SUSD5: variants seen among roughly 807,000 people sequenced by gnomAD.
SUSD5 encodes sushi domain-containing protein 5.
In SUSD5, 33 loss-of-function variants were observed where a neutral mutation model predicts 29.5. The observed-to-expected ratio is 1.12, with a 90% CI of 0.85 to 1.49. The LOEUF is 1.49. Among genes scored for constraint, SUSD5 ranks in the 40% most tolerant of loss-of-function variants. SUSD5 has a pLI of 0.00. For missense variants in SUSD5, 776 were observed against 800.6 expected, an observed-to-expected ratio of 0.97 and a Z score of 0.37; for synonymous variants, 308 against 325.3, an observed-to-expected ratio of 0.95 and a Z score of 0.57.
chr3:33,173,158 A>C (rs1262764846), intron 4 of SUSD5, among the ~76,000 whole-genome samples: 2 of 152,252 alleles, frequency 1.3e-5, no homozygotes, highest in Admixed American at 1.3e-4. Context: ...GCTTGACCTC[A>C]CTATTATCAG....
intron 3 of SUSD5, among the ~76,000 whole-genome samples, chr3:33,188,930 A>G (rs1464823286): frequency 6.6e-6 from 1 of 152,198 alleles, no homozygotes; most frequent in Non-Finnish European, 1.5e-5. Context: ...AAAATCTGTA[A>G]TTTATTCAGC....
Position 33,153,360 on chromosome 3 carries a change from G to A in SUSD5, c.1272C>T (p.Thr424=). 3 of 1,613,838 alleles carry A rather than the reference G, an allele frequency of 1.9e-6. No homozygotes were observed. The highest frequency in any genetic ancestry group is 2.5e-6 in the Non-Finnish European group (3 of 1,179,832). Reference sequence around the variant, plus strand: ...GGGTCATGCCCTCGCTTGGTGTGAGGGTGCTACTCTTGGGCTTCTTAACTT... The same window carrying A: ...GGGTCATGCCCTCGCTTGGTGTGAGAGTGCTACTCTTGGGCTTCTTAACTT... ...LVEVKKPKSS[T]LTPSEGMTHS... Residue 424 remains threonine (T), a synonymous_variant, in exon 5 of 5, where the codon ACC becomes ACT. Coordinates refer to ENST00000309558, the MANE Select transcript of SUSD5 (RefSeq NM_015551.2).
At chr3:33,212,843 T>C (rs2032346411) in intron 2 of SUSD5, among the ~76,000 whole-genome samples, 1 of 152,220 alleles carries the variant, frequency 6.6e-6, no homozygotes, top group African/African-American at 2.4e-5. Context: ...AATCTCACTT[T>C]TGCTGTATTC....
In SUSD5 at chr3:33,168,025, TA is replaced by T. The variant is rs1398804485; in HGVS notation, c.598+6860del. 2.0e-5 allele frequency among the ~76,000 whole-genome samples: 3 copies of T among 152,302 alleles called. No homozygotes were observed. The East Asian group carries it at 5.8e-4, about 29-fold the overall frequency. On this transcript the variant is annotated intron_variant, in intron 4 of 4. Transcript: ENST00000309558. ...AGGTCATTCACTGTGCATTTATATT[TA>T]ACTGCTACTTTTGGAAAACAGAAGA...
At chr3:33,199,836 C>A (rs760310755) in intron 3 of SUSD5, among the ~76,000 whole-genome samples, 12 of 152,140 alleles carry the variant, frequency 7.9e-5, no homozygotes, top group Middle Eastern at 3.2e-3. Context: ...GCCATTGTAA[C>A]AGTATTAAGA....
chr3:33,217,592 G>A (rs900852288), intron 1 of SUSD5, among the ~76,000 whole-genome samples: 9 of 152,086 alleles, frequency 5.9e-5, no homozygotes, highest in Admixed American at 2.6e-4. Flanking sequence ...AATTAGGAAC[G>A]GAGAGCTTTT....
chr3:33,201,974 A>T (rs1385296136), intron 3 of SUSD5, among the ~76,000 whole-genome samples: 3 of 152,092 alleles, frequency 2.0e-5, no homozygotes, highest in Non-Finnish European at 4.4e-5. Context: ...AAAAATATTC[A>T]TCTCTTACCT....
intron 4 of SUSD5, among the ~76,000 whole-genome samples, chr3:33,162,437 A>G (rs1405923389): frequency 1.3e-5 from 2 of 152,192 alleles, no homozygotes; most frequent in Non-Finnish European, 2.9e-5. Context: ...GATTTTTAAA[A>G]GAGGAGAAAT....
At chr3:33,205,601 T>C (rs1235514412) in intron 3 of SUSD5, among the ~76,000 whole-genome samples, 1 of 152,222 alleles carries the variant, frequency 6.6e-6, no homozygotes, top group African/African-American at 2.4e-5. Context: ...TTTGGCTCCA[T>C]GCATTACAGT....
intron 2 of SUSD5, among the ~76,000 whole-genome samples, chr3:33,208,964 G>T (rs145673348): frequency 7.9e-5 from 12 of 152,038 alleles, no homozygotes; most frequent in African/African-American, 2.7e-4. Context: ...TTTTCCTCCT[G>T]CCTGAAGAGC....
intron 3 of SUSD5, among the ~76,000 whole-genome samples, chr3:33,191,652 A>G (rs772095970): frequency 6.6e-6 from 1 of 151,918 alleles, no homozygotes; most frequent in Non-Finnish European, 1.5e-5. Flanking sequence ...TTAAGAATTT[A>G]CACTCAGGCT....
At chr3:33,181,403 G>A (rs1283487149) in intron 3 of SUSD5, among the ~76,000 whole-genome samples, 1 of 150,914 alleles carries the variant, frequency 6.6e-6, no homozygotes, top group Non-Finnish European at 1.5e-5. Flanking sequence ...TGGGGGTGGG[G>A]AGATTTGAGA....
At chr3:33,175,547 T>C (rs1173380101) in intron 3 of SUSD5, among the ~76,000 whole-genome samples, 1 of 149,038 alleles carries the variant, frequency 6.7e-6, no homozygotes, top group Non-Finnish European at 1.5e-5. Context: ...ACACAAAAAT[T>C]ACACACACAC....
rs930529233 is a variant in SUSD5 at position 33,193,027 on chromosome 3, G to A, written c.409+14781C>T. ...GTCTGGGTCTCAGTGCCAAACAACG[G>A]TTTTTTGCATATGAGCCTCCTACAT... On this transcript the variant is annotated intron_variant, in intron 3 of 4. Transcript: ENST00000309558. Among the ~76,000 whole-genome samples, 16 of 151,848 alleles carry A rather than the reference G, an allele frequency of 1.1e-4. No homozygotes were observed. In the East Asian group the frequency reaches 1.9e-3, roughly 18 times the overall value.
rs559983782 is a variant in SUSD5, at chr3:33,202,056, C to A, written c.409+5752G>T. ...TCTATCTATCTATCTATCTATCTAT[C>A]TATCTGTCTATCTATCTATCTATCA... is the stretch of plus-strand genomic sequence containing the variant. On this transcript the variant is annotated intron_variant, in intron 3 of 4. Coordinates refer to ENST00000309558, the MANE Select transcript of SUSD5 (RefSeq NM_015551.2). Among the ~76,000 whole-genome samples the A allele has an allele frequency of 3.7e-5, 4 of 108,476 alleles. No individual in the cohort carries two copies. In the South Asian group the frequency reaches 8.9e-4, roughly 24 times the overall value. The allele number at this position is 108,476 out of a possible 152,430, so 71.2% of individuals were successfully genotyped here. A position where few individuals can be genotyped will look rare whatever the true frequency, so the allele number is the denominator to read the frequency against.
At chr3:33,161,733 G>C (rs1361870798) in intron 4 of SUSD5, among the ~76,000 whole-genome samples, 2 of 152,230 alleles carry the variant, frequency 1.3e-5, no homozygotes, top group East Asian at 3.9e-4. Context: ...ATACTTAGTA[G>C]AGATAAAGAA....
chr3:33,213,246 T>C (rs527834621), intron 2 of SUSD5, among the ~76,000 whole-genome samples: 14 of 147,956 alleles, frequency 9.5e-5, no homozygotes, highest in South Asian at 4.3e-4. Context: ...TTTACCTCTA[T>C]AAAAAAAAAA....
intron 3 of SUSD5, among the ~76,000 whole-genome samples, chr3:33,199,214 T>TCACA (rs35522769): frequency 0.064 from 9,481 of 147,892 alleles, 407 homozygotes; most frequent in Admixed American, 0.14. Context: ...GGGGAGAATT[T>TCACA]CACACACACA....
rs2125631329 is a variant in SUSD5 at position 33,204,672 on chromosome 3, C to T, written c.409+3136G>A. Among the ~76,000 whole-genome samples, 1 of 142,464 alleles carries T rather than the reference C, an allele frequency of 7.0e-6. No individual in the cohort carries two copies. Among genetic ancestry groups the T allele is most frequent in the East Asian group, 2.2e-4 (1 of 4,556 alleles). 93.5% of individuals were successfully genotyped at this position (142,464 alleles called of 152,430 possible). A position where few individuals can be genotyped will look rare whatever the true frequency, so the allele number is the denominator to read the frequency against. ...GTTTTGTTTTGTTTTGTTTTTGAGA[C>T]AGTCTTGCTCTGTCGCCCAGGATGG... On this transcript the variant is annotated intron_variant, in intron 3 of 4. Coordinates refer to ENST00000309558, the MANE Select transcript of SUSD5 (RefSeq NM_015551.2). The surrounding 1 kb of genome is among the most constrained non-coding windows in gnomAD (Gnocchi z 4.5).
Sources: allele counts gnomAD v4.1 joint callset (sites outside exome capture counted in the v4.1 genomes callset), GRCh38; gene constraint gnomAD v4.1.1; non-coding constraint Gnocchi (gnomAD v3.1); transcripts MANE v1.5; gene names NCBI Gene and HGNC (gene_info 2026-07-23, HGNC 2026-07-21).